INPP5F: variants seen among roughly 807,000 people sequenced by gnomAD.
INPP5F encodes inositol polyphosphate-5-phosphatase F, also known as phosphatidylinositide 4-phosphatase SAC2.
In INPP5F, 97 loss-of-function variants were observed where a neutral mutation model predicts 137.2. That is an observed-to-expected ratio of 0.71 (90% CI 0.60 to 0.84). The LOEUF is 0.84. INPP5F is among the 40% of genes least tolerant of loss of function. The pLI is 0.00. For synonymous variants in INPP5F, 504 were observed against 476.9 expected, an observed-to-expected ratio of 1.06 and a Z score of -0.74; for missense variants, 1,271 against 1,371.9, an observed-to-expected ratio of 0.93 and a Z score of 1.16.
In INPP5F at chr10:119,751,410, A is replaced by G. The variant is rs77812997; in HGVS notation, c.178+254A>G. Among the ~76,000 whole-genome samples the G allele has an allele frequency of 4.9e-3, 742 of 152,360 alleles. 7 individuals carry two copies. The highest frequency in any genetic ancestry group is 0.017 in the African/African-American group (698 of 41,582). ...ATTATTTGGAATTGTGGAAGGTGCC[A>G]TGAGGGAAAGATATAGCAAATGCAT... On this transcript the variant is annotated intron_variant, in intron 2 of 19. Coordinates refer to ENST00000650623, the MANE Select transcript of INPP5F (RefSeq NM_014937.4).
intron 15 of INPP5F, chr10:119,816,757 G>A: frequency 6.6e-6 from 1 of 152,352 alleles, no homozygotes; most frequent in Non-Finnish European, 1.5e-5. Flanking sequence ...GGAAGGCTCA[G>A]CTCCCAGACT....
chr10:119,823,177 T>C lies in INPP5F; in HGVS notation c.2139T>C (p.Arg713=). 1 of 1,614,088 alleles carries C rather than the reference T, an allele frequency of 6.2e-7. No individual in the cohort carries two copies. The highest frequency in any genetic ancestry group is 1.1e-5 in the South Asian group (1 of 91,086). Residue 713 remains arginine, a synonymous_variant, in exon 18 of 20, where the codon CGT becomes CGC. Coordinates refer to ENST00000650623, the MANE Select transcript of INPP5F (RefSeq NM_014937.4). ...TCCACACATTGCGAGCTGTAATGCG[T>C]AATCCTGAAGAGGATGGAAAAGGTA... The part of the protein sequence containing the change: ...GYFHTLRAVM[R]NPEEDGKDTL...
intron 1 of INPP5F, among the ~76,000 whole-genome samples, chr10:119,749,283 G>A (rs1848626402): frequency 5.9e-5 from 9 of 152,220 alleles, no homozygotes; most frequent in Admixed American, 5.9e-4. Context: ...AGGGGGCAGC[G>A]CTCCCGCTTG....
intron 2 of INPP5F, among the ~76,000 whole-genome samples, chr10:119,763,930 T>A (rs751751572): frequency 3.9e-5 from 6 of 152,254 alleles, no homozygotes; most frequent in Non-Finnish European, 7.3e-5. Context: ...CCAAGTTCTT[T>A]GCCACTTTAT....
At chr10:119,805,357 TTTTC>T (rs1475163980) in intron 10 of INPP5F, 23 bp from the exon 11 acceptor site, 2 of 1,571,322 alleles carry the variant, frequency 1.3e-6, no homozygotes, top group Non-Finnish European at 1.7e-6. Context: ...ATTAAAGATT[TTTTC>T]TTTCTTTTGG....
intron 9 of INPP5F, among the ~76,000 whole-genome samples, chr10:119,800,107 C>A (rs1850527680): frequency 6.6e-6 from 1 of 150,912 alleles, no homozygotes; most frequent in African/African-American, 2.4e-5. Flanking sequence ...TTAGAAAACA[C>A]CATAGTGAAA....
chr10:119,752,884 T>A (rs1848727433), intron 2 of INPP5F, among the ~76,000 whole-genome samples: 1 of 152,094 alleles, frequency 6.6e-6, no homozygotes, highest in African/African-American at 2.4e-5. Context: ...TTTCACTGTT[T>A]ATGAATATAT....
chr10:119,752,585 C>CAAAAA (rs1295801342), intron 2 of INPP5F, among the ~76,000 whole-genome samples: 2 of 61,458 alleles, frequency 3.3e-5, no homozygotes, highest in African/African-American at 5.0e-5. Context: ...AACTCCATCT[C>CAAAAA]AAAAAAAAAA....
intron 2 of INPP5F, among the ~76,000 whole-genome samples, chr10:119,777,995 T>C (rs1185889214): frequency 1.3e-5 from 2 of 152,042 alleles, no homozygotes; most frequent in Non-Finnish European, 2.9e-5. Context: ...ATATATCCTT[T>C]TTATTTTTAT....
At chr10:119,779,523 G>A (rs1054388621) in intron 2 of INPP5F, among the ~76,000 whole-genome samples, 3 of 151,806 alleles carry the variant, frequency 2.0e-5, no homozygotes, top group Non-Finnish European at 4.4e-5. Flanking sequence ...AGGCTTAAGC[G>A]ATCCTCCTAC....
In INPP5F at chr10:119,791,634, A is replaced by T; in HGVS notation, c.433A>T (p.Asn145Tyr). Residue 145 changes from asparagine to tyrosine, a missense_variant, in exon 4 of 20, where the codon AAT becomes TAT. Transcript: ENST00000650623. ...THIKSNVSAP[N>Y]KKKVKESKEK... ...TATTAAATCCAATGTGTCTGCTCCT[A>T]ATAAAAAGAAAGTAAGAGTTTAATT... 2.5e-6 allele frequency: 4 copies of T among 1,601,904 alleles called. No individual in the cohort carries two copies. The highest frequency in any genetic ancestry group is 3.4e-6 in the Non-Finnish European group (4 of 1,170,876).
At chr10:119,788,424 G>C (rs576012039) in intron 3 of INPP5F, among the ~76,000 whole-genome samples, 11 of 152,302 alleles carry the variant, frequency 7.2e-5, no homozygotes, top group Admixed American at 3.9e-4. Flanking sequence ...ACCCACAAAG[G>C]AGACTGAGAA....
chr10:119,736,059 A>G (rs1381984742), intron 1 of INPP5F, among the ~76,000 whole-genome samples: 3 of 152,190 alleles, frequency 2.0e-5, no homozygotes, highest in Admixed American at 6.5e-5. Context: ...GAAAATACCA[A>G]TTCTTAGCTC....
intron 1 of INPP5F, among the ~76,000 whole-genome samples, chr10:119,730,277 T>G (rs1420068124): frequency 1.3e-5 from 2 of 152,068 alleles, no homozygotes; most frequent in African/African-American, 4.8e-5. Context: ...GCCTGGCAAG[T>G]TTTTGTATTT....
chr10:119,797,879 A>G (rs991520116), intron 8 of INPP5F, among the ~76,000 whole-genome samples: 6 of 152,234 alleles, frequency 3.9e-5, no homozygotes, highest in Admixed American at 2.6e-4. Flanking sequence ...TACCTCAGAG[A>G]TTTTAAATTG....
At chr10:119,751,528 A>T (rs1194342559) in intron 2 of INPP5F, among the ~76,000 whole-genome samples, 2 of 152,174 alleles carry the variant, frequency 1.3e-5, no homozygotes, top group African/African-American at 4.8e-5. Flanking sequence ...ACTGTTCCTG[A>T]TGCAGTCAGC....
At chr10:119,761,000 T>C (rs184623459) in intron 2 of INPP5F, among the ~76,000 whole-genome samples, 1 of 152,322 alleles carries the variant, frequency 6.6e-6, no homozygotes, top group East Asian at 1.9e-4. Context: ...TAGAAAATCA[T>C]TTTGCCCAAC....
chr10:119,803,025 C>T (rs573530977), intron 9 of INPP5F, among the ~76,000 whole-genome samples: 1 of 152,004 alleles, frequency 6.6e-6, no homozygotes, highest in Non-Finnish European at 1.5e-5. Context: ...ATATTTTTTT[C>T]ATGTGGATTT....
At chr10:119,803,509 A>G (rs985271057) in intron 9 of INPP5F, among the ~76,000 whole-genome samples, 6 of 152,246 alleles carry the variant, frequency 3.9e-5, no homozygotes, top group African/African-American at 1.4e-4. Flanking sequence ...TTTCTACGCT[A>G]GTATGACAGT....
Sources: allele counts gnomAD v4.1 joint callset (sites outside exome capture counted in the v4.1 genomes callset), GRCh38; gene constraint gnomAD v4.1.1; transcripts MANE v1.5; gene names NCBI Gene and HGNC (gene_info 2026-07-23, HGNC 2026-07-21).